Variants in AKR1A1 observed in about 807,000 individuals in gnomAD.
AKR1A1 encodes HEL-S-165mP.
A neutral mutation model predicts 39.2 loss-of-function variants in AKR1A1; 26 were observed. That is an observed-to-expected ratio of 0.66 (90% CI 0.49 to 0.92). The LOEUF is 0.92. AKR1A1 is among the 40% of genes least tolerant of loss of function. The probability of loss-of-function intolerance (pLI) is 0.00; values close to 1 mark genes in which losing one functional copy is unlikely to be tolerated. For synonymous variants in AKR1A1, 141 were observed against 155.5 expected, an observed-to-expected ratio of 0.91 and a Z score of 0.69; for missense variants, 378 against 406.5, an observed-to-expected ratio of 0.93 and a Z score of 0.60.
intron 1 of AKR1A1, among the ~76,000 whole-genome samples, chr1:45,556,617 G>A (rs760631631): frequency 5.3e-5 from 8 of 151,834 alleles, no homozygotes; most frequent in Non-Finnish European, 8.8e-5. Flanking sequence ...AGTGGCTCAC[G>A]CCTGTAATCC....
rs1379555252 is a variant in AKR1A1 at position 45,561,803 on chromosome 1, T to C, written c.9T>C (p.Ala3=). The C allele has an allele frequency of 4.3e-6, 7 of 1,614,146 alleles. No homozygotes were observed. The highest frequency in any genetic ancestry group is 5.9e-6 in the Non-Finnish European group (7 of 1,180,002). The stretch of plus-strand genomic sequence containing the variant: ...CTGTGTTTCAGGGGGCAATGGCGGC[T>C]TCCTGTGTTCTACTGCACACTGGGC... The part of the protein sequence containing the change: MA[A]SCVLLHTGQK... The change falls in exon 2 of 9, where the codon GCT becomes GCC. Residue 3 remains alanine, a synonymous_variant. Transcript: ENST00000351829.
intron 2 of AKR1A1, among the ~76,000 whole-genome samples, chr1:45,562,909 C>T (rs531076972): frequency 1.3e-5 from 2 of 151,168 alleles, no homozygotes; most frequent in South Asian, 4.2e-4. Context: ...TGCTTGAGCC[C>T]AGGAATTTGA....
chr1:45,551,365 G>A (rs1644128956), intron 1 of AKR1A1, among the ~76,000 whole-genome samples: 1 of 152,192 alleles, frequency 6.6e-6, no homozygotes, highest in African/African-American at 2.4e-5. Context: ...GCAATAAAAT[G>A]AGGTCCTACA....
At chr1:45,559,794 C>A (rs1644254578) in intron 1 of AKR1A1, among the ~76,000 whole-genome samples, 1 of 150,166 alleles carries the variant, frequency 6.7e-6, no homozygotes, top group Non-Finnish European at 1.5e-5. Flanking sequence ...ATTATAGGCA[C>A]CCGCCACCAT....
intron 2 of AKR1A1, 43 bp from the exon 3 acceptor site, chr1:45,566,526 T>TG (rs762903292): frequency 2.5e-6 from 4 of 1,611,036 alleles, no homozygotes; most frequent in Non-Finnish European, 3.4e-6. Context: ...AGTAGAAGGC[T>TG]GAAACCAACA....
intron 1 of AKR1A1, among the ~76,000 whole-genome samples, chr1:45,557,382 C>G (rs1054946959): frequency 6.6e-6 from 1 of 151,926 alleles, no homozygotes; most frequent in African/African-American, 2.4e-5. Context: ...AGAAAAACAT[C>G]TATGTGGCAC....
Position 45,568,386 on chromosome 1 carries a change from G to A in AKR1A1, c.553-99G>A, listed in dbSNP as rs1283104383. 4 of 1,363,660 alleles carry A rather than the reference G, an allele frequency of 2.9e-6. No individual in the cohort carries two copies. The East Asian group carries it at 7.1e-5, about 24-fold the overall frequency. The allele number at this position is 1,363,660 out of a possible 1,614,324, so 84.5% of individuals were successfully genotyped here. A position where few individuals can be genotyped will look rare whatever the true frequency, so the allele number is the denominator to read the frequency against. On this transcript the variant is annotated intron_variant, in intron 5 of 8. Coordinates refer to ENST00000351829, the MANE Select transcript of AKR1A1 (RefSeq NM_153326.3). ...GAAAAGCAGGCTGAAGGGGAGTGGA[G>A]GAGTCAGCAATAGGGGGTGGTCCAG... is the stretch of plus-strand genomic sequence containing the variant.
intron 4 of AKR1A1, 142 bp from the exon 5 acceptor site, chr1:45,567,840 A>G (rs1570916336): frequency 3.7e-6 from 3 of 808,052 alleles, no homozygotes; most frequent in South Asian, 4.2e-5. Context: ...AAAAAAAAAA[A>G]AGAAAAAGCA....
chr1:45,555,720 T>C (rs1004908359), intron 1 of AKR1A1, among the ~76,000 whole-genome samples: 1 of 152,152 alleles, frequency 6.6e-6, no homozygotes, highest in East Asian at 1.9e-4. Context: ...AAGAAGAGCA[T>C]GGGTTAGGCC....
At chr1:45,551,979 T>TTGTA (rs3842535) in intron 1 of AKR1A1, among the ~76,000 whole-genome samples, 48,095 of 146,410 alleles carry the variant, frequency 0.33, 7,957 homozygotes, top group Middle Eastern at 0.4. Context: ...ATTGTGTACA[T>TTGTA]TGTATGTATG....
intron 2 of AKR1A1, among the ~76,000 whole-genome samples, chr1:45,563,229 G>A (rs140984811): frequency 1.6e-3 from 246 of 151,660 alleles, no homozygotes; most frequent in African/African-American, 5.1e-3. Flanking sequence ...GTGAAACCCC[G>A]TCTCTACTAA....
chr1:45,566,419 C>T (rs545824853), intron 2 of AKR1A1, 150 bp from the exon 3 acceptor site: 27 of 1,224,084 alleles, frequency 2.2e-5, no homozygotes, highest in Non-Finnish European at 2.7e-5. Flanking sequence ...TGAGCCACCG[C>T]GCCCAGTTCA....
At position 45,557,912 on chromosome 1, in the gene AKR1A1, C is replaced by CTTTTTTTT. The variant is rs67386168; in HGVS notation, c.-6-3869_-6-3862dup. 9.9e-3 allele frequency among the ~76,000 whole-genome samples: 1,110 copies of CTTTTTTTT among 112,136 alleles called. 102 individuals carry two copies. Among genetic ancestry groups the CTTTTTTTT allele is most frequent in the African/African-American group, 0.034 (954 of 28,192 alleles). 73.6% of individuals were successfully genotyped at this position (112,136 alleles called of 152,430 possible). ...TGTACTGGCTTTACTCACAACTTGT[C>CTTTTTTTT]TTTTTTTTTTTTTTTGAGATGGAGC... On this transcript the variant is annotated intron_variant, in intron 1 of 8. Transcript: ENST00000351829.
At position 45,569,774 on chromosome 1, in the gene AKR1A1, C is replaced by T. The variant is rs1212569940; in HGVS notation, c.913-117C>T. Reference sequence around the variant, plus strand: ...TGAGGATGGGGATCCCAGCCAATGCCATCTGGCATAGTGCTGTACACAGGT... The same window carrying T: ...TGAGGATGGGGATCCCAGCCAATGCTATCTGGCATAGTGCTGTACACAGGT... On this transcript the variant is annotated intron_variant, in intron 8 of 8. Coordinates refer to ENST00000351829, the MANE Select transcript of AKR1A1 (RefSeq NM_153326.3). 4 of 846,186 alleles carry T rather than the reference C, an allele frequency of 4.7e-6. No individual in the cohort carries two copies. In the African/African-American group the frequency reaches 5.0e-5, roughly 11 times the overall value. The allele number at this position is 846,186 out of a possible 1,614,324, so 52.4% of individuals were successfully genotyped here. A position where few individuals can be genotyped will look rare whatever the true frequency, so the allele number is the denominator to read the frequency against.
At chr1:45,561,949 A>G (rs1644283405) in intron 2 of AKR1A1, 71 bp downstream of exon 2, 1 of 1,463,024 alleles carries the variant, frequency 6.8e-7, no homozygotes, top group Non-Finnish European at 9.6e-7. Context: ...CCCCACCCCC[A>G]TACTCCCCTT....
At chr1:45,565,031 C>G (rs1374392433) in intron 2 of AKR1A1, among the ~76,000 whole-genome samples, 1 of 150,742 alleles carries the variant, frequency 6.6e-6, no homozygotes, top group Non-Finnish European at 1.5e-5. Context: ...ACCGTGTTAG[C>G]CAGGATGGTC....
In AKR1A1 at chr1:45,566,588, A is replaced by G. The variant is rs375550499; in HGVS notation, c.104A>G (p.Tyr35Cys). 65 of 1,614,116 alleles carry G rather than the reference A, an allele frequency of 4.0e-5. No individual in the cohort carries two copies. Among genetic ancestry groups the G allele is most frequent in the Non-Finnish European group, 5.3e-5 (62 of 1,180,052 alleles). ...TGGCAGGTAAAAGCAGCTGTTAAGT[A>G]TGCCCTTAGCGTAGGCTACCGCCAC... ...EPGQVKAAVK[Y>C]ALSVGYRHID... is the part of the protein sequence containing the mutation. Residue 35 changes from tyrosine to cysteine, a missense_variant, in exon 3 of 9, where the codon TAT becomes TGT. Physicochemically the swap from Tyr to Cys is radical, Grantham distance 194 (BLOSUM62 -2). Transcript: ENST00000351829.
intron 4 of AKR1A1, chr1:45,567,238 G>A (rs1644355526): frequency 3.4e-6 from 2 of 587,248 alleles, no homozygotes; most frequent in South Asian, 2.5e-5. Flanking sequence ...CACATGGTGT[G>A]TACCCCAGGG....
intron 1 of AKR1A1, among the ~76,000 whole-genome samples, chr1:45,559,323 A>G (rs1040834246): frequency 6.6e-6 from 1 of 152,194 alleles, no homozygotes; most frequent in African/African-American, 2.4e-5. Context: ...TTATTTGCAT[A>G]GCTTTCCAGA....
Sources: allele counts gnomAD v4.1 joint callset (sites outside exome capture counted in the v4.1 genomes callset), GRCh38; gene constraint gnomAD v4.1.1; transcripts MANE v1.5; gene names NCBI Gene and HGNC (gene_info 2026-07-23, HGNC 2026-07-21).